TNRC6B: variants seen among roughly 807,000 people sequenced by gnomAD.
TNRC6B encodes trinucleotide repeat-containing gene 6B protein.
Under a neutral mutation model 203.6 loss-of-function variants are expected in TNRC6B, and 52 were observed. The observed-to-expected ratio is 0.26, with a 90% confidence interval of 0.20 to 0.32. The LOEUF (loss-of-function observed/expected upper bound fraction) is 0.32, where lower values mean the gene tolerates loss of function less well. Among genes scored for constraint, TNRC6B ranks in the 10% least tolerant of loss-of-function variants. TNRC6B has a pLI of 1.00. For missense variants in TNRC6B, 1,923 were observed against 2,286.2 expected (o/e 0.84, Z 3.24); for synonymous variants, 838 against 845.7 (o/e 0.99, Z 0.16).
intron 1 of TNRC6B, among the ~76,000 whole-genome samples, chr22:40,077,152 G>A (rs73422372): frequency 5.3e-5 from 8 of 151,756 alleles, no homozygotes; most frequent in Non-Finnish European, 7.4e-5. Flanking sequence ...ATACAGTATC[G>A]TGCCTTGGAA....
chr22:40,069,393 A>G (rs1168388690), intron 1 of TNRC6B, among the ~76,000 whole-genome samples: 1 of 151,572 alleles, frequency 6.6e-6, no homozygotes, highest in Non-Finnish European at 1.5e-5. Flanking sequence ...GGTGTGAACT[A>G]CTGCACCTGG....
intron 22 of TNRC6B, 108 bp from the exon 23 acceptor site, chr22:40,322,746 C>T: frequency 7.6e-7 from 1 of 1,322,068 alleles, no homozygotes; most frequent in Admixed American, 2.0e-5. Context: ...GATATGGCAG[C>T]TTCTAGTCAA....
intron 4 of TNRC6B, among the ~76,000 whole-genome samples, chr22:40,164,147 C>T (rs1207416186): frequency 6.6e-6 from 1 of 151,662 alleles, no homozygotes; most frequent in East Asian, 1.9e-4. Context: ...TTTGGGAGGC[C>T]GAGGCAGGTG....
In TNRC6B at chr22:40,125,126, A is replaced by G. The variant is rs373184285; in HGVS notation, c.-46-646A>G. Among the ~76,000 whole-genome samples, 19 of 152,280 alleles carry G rather than the reference A, an allele frequency of 1.2e-4. 2 individuals are homozygous for G. The highest frequency in any genetic ancestry group is 9.8e-4 in the Admixed American group (15 of 15,310). ...ATTTTAATTCATAAAATTTTAACAAACTTTTTCTTGACTCATTTTATTCTT... is the reference window on the plus strand; with the variant it reads ...ATTTTAATTCATAAAATTTTAACAAGCTTTTTCTTGACTCATTTTATTCTT... On this transcript the variant is annotated intron_variant, in intron 2 of 23. Transcript: ENST00000301923.
chr22:40,145,044 C>T (rs986959757), intron 3 of TNRC6B, among the ~76,000 whole-genome samples: 5 of 124,514 alleles, frequency 4.0e-5, no homozygotes, highest in Non-Finnish European at 6.3e-5. Flanking sequence ...CCAGCCTGGG[C>T]AGAGAGACCC....
Position 40,300,992 on chromosome 22 carries a change from A to G in TNRC6B, c.3923A>G (p.Gln1308Arg). The change falls in exon 14 of 23, where the codon CAG becomes CGG. Residue 1308 changes from glutamine (Q) to arginine (R), a missense_variant. By Grantham distance (43) the Gln-to-Arg change is conservative. This residue lies in a region of TNRC6B where 242 missense variants were observed against 399.5 expected (regional missense o/e 0.61). Transcript: ENST00000454349. ...AAGATTTCTCAAGCTGTACGCCAAC[A>G]GCAAGAGCAGCAGGTACGTGGGTAG... ...QRKISQAVRQ[Q>R]QEQQLARMVS... The G allele has an allele frequency of 6.2e-7, 1 of 1,612,918 alleles. No homozygotes were observed. Among genetic ancestry groups the G allele is most frequent in the Non-Finnish European group, 8.5e-7 (1 of 1,179,424 alleles).
chr22:40,104,308 A>G (rs544829407), intron 1 of TNRC6B, among the ~76,000 whole-genome samples: 167 of 152,284 alleles, frequency 1.1e-3, no homozygotes, highest in African/African-American at 3.9e-3. Context: ...CAGTAGCCTT[A>G]TAACAAGTAG....
At chr22:40,245,540 G>C (rs2070095155) in intron 1 of TNRC6B, among the ~76,000 whole-genome samples, 1 of 151,932 alleles carries the variant, frequency 6.6e-6, no homozygotes, top group Non-Finnish European at 1.5e-5. Flanking sequence ...AGAACATAGA[G>C]CTTTATGTTC....
chr22:40,190,787 A>G (rs778113877), intron 1 of TNRC6B, among the ~76,000 whole-genome samples: 1 of 152,178 alleles, frequency 6.6e-6, no homozygotes, highest in African/African-American at 2.4e-5. Context: ...AGGAGAGGTT[A>G]TGGTTAGCTG....
intron 1 of TNRC6B, among the ~76,000 whole-genome samples, chr22:40,190,819 G>GGCAT (rs569320078): frequency 1.5e-3 from 231 of 152,324 alleles, no homozygotes; most frequent in African/African-American, 4.3e-3. Flanking sequence ...TGGAAGCATT[G>GGCAT]GCATGCTGGG....
At chr22:40,224,276 A>T (rs1443262818) in intron 1 of TNRC6B, among the ~76,000 whole-genome samples, 2 of 152,140 alleles carry the variant, frequency 1.3e-5, no homozygotes, top group Non-Finnish European at 2.9e-5. Flanking sequence ...AAGTGTTGGG[A>T]TTATAGGCGT....
At chr22:40,292,701 G>C (rs1374776317) in intron 12 of TNRC6B, among the ~76,000 whole-genome samples, 1 of 152,182 alleles carries the variant, frequency 6.6e-6, no homozygotes, top group Non-Finnish European at 1.5e-5. Flanking sequence ...TGTTTGCCTG[G>C]AGCCTAGTGG....
chr22:40,105,513 A>G (rs1460862835), intron 1 of TNRC6B, among the ~76,000 whole-genome samples: 3 of 152,148 alleles, frequency 2.0e-5, no homozygotes, highest in Non-Finnish European at 4.4e-5. Flanking sequence ...ATGTCCCTGT[A>G]AACATTATAG....
intron 1 of TNRC6B, among the ~76,000 whole-genome samples, chr22:40,083,346 G>A (rs2068075842): frequency 6.6e-6 from 1 of 152,160 alleles, no homozygotes; most frequent in Admixed American, 6.6e-5. Flanking sequence ...ATTGAGTGCT[G>A]CTGAAAGGGT....
intron 1 of TNRC6B, among the ~76,000 whole-genome samples, chr22:40,203,871 T>C (rs1386641216): frequency 2.0e-5 from 3 of 152,084 alleles, no homozygotes; most frequent in African/African-American, 4.8e-5. Context: ...GGGAGGAGGG[T>C]GTCCAGCATC....
chr22:40,274,323 T>C (rs1297738229), intron 7 of TNRC6B, among the ~76,000 whole-genome samples: 1 of 152,184 alleles, frequency 6.6e-6, no homozygotes, highest in Non-Finnish European at 1.5e-5. Flanking sequence ...CTTGATTTTA[T>C]CTGATTTGGG....
At chr22:40,303,955 AT>A (rs2146553107) in intron 15 of TNRC6B, among the ~76,000 whole-genome samples, 1 of 152,316 alleles carries the variant, frequency 6.6e-6, no homozygotes, top group South Asian at 2.1e-4. Context: ...ATTTGTTTGA[AT>A]TGAAGAATAC....
At chr22:40,288,133 A>G (rs1313478483) in intron 12 of TNRC6B, among the ~76,000 whole-genome samples, 1 of 152,240 alleles carries the variant, frequency 6.6e-6, no homozygotes, top group South Asian at 2.1e-4. Context: ...AAAGAAAGGA[A>G]CTAGACAAGA....
chr22:40,194,291 A>G (rs1390306566), intron 1 of TNRC6B, among the ~76,000 whole-genome samples: 1 of 152,178 alleles, frequency 6.6e-6, no homozygotes, highest in East Asian at 1.9e-4. Context: ...GTGCTAACTC[A>G]TTTCATCTTC....
Sources: gnomAD v4.1 joint callset for allele counts (sites outside exome capture counted in the v4.1 genomes callset) on GRCh38, gnomAD v4.1.1 for gene constraint, gnomAD v4.1.1 regional missense constraint, MANE v1.5 for transcripts, NCBI Gene and HGNC (gene_info 2026-07-23, HGNC 2026-07-21) for gene names.